The following SENP7 variants were observed in gnomAD, a reference collection of about 807,000 sequenced individuals.
SENP7 encodes the protein SUMO specific peptidase 7, also known as sentrin-specific protease 7.
In SENP7, 64 loss-of-function variants were observed where a neutral mutation model predicts 141.2. That is an observed-to-expected ratio of 0.45 (90% CI 0.37 to 0.56). The LOEUF is 0.56. Ranked by LOEUF, SENP7 falls within the 20% of genes least tolerant of loss-of-function variation. SENP7 has a pLI of 0.00. For synonymous variants in SENP7, 382 were observed against 426.4 expected (o/e 0.90, Z 1.28); for missense variants, 1,025 against 1,212.2 (o/e 0.85, Z 2.29).
rs115292728 is a variant in SENP7, at chr3:101,495,675, C to T, written c.91-1707G>A. ...CAGAAAACCAAACAATGCATGTTCT[C>T]ACTTTTAAGTGGGAGCTGAATGATG... On this transcript the variant is annotated intron_variant, in intron 2 of 23. Transcript: ENST00000394095. Among the ~76,000 whole-genome samples the T allele has an allele frequency of 5.5e-3, 839 of 152,292 alleles. 8 individuals are homozygous for T. The highest frequency in any genetic ancestry group is 0.019 in the African/African-American group (786 of 41,556).
intron 4 of SENP7, among the ~76,000 whole-genome samples, chr3:101,429,456 T>C (rs564864402): frequency 6.6e-6 from 1 of 152,330 alleles, no homozygotes; most frequent in African/African-American, 2.4e-5. Flanking sequence ...TTTGTAGCAA[T>C]TGTGAATGGG....
rs191977717 is a variant in SENP7 at position 101,438,600 on chromosome 3, A to T, written c.284+20355T>A. On this transcript the variant is annotated intron_variant, in intron 4 of 23. Coordinates refer to ENST00000394095, the MANE Select transcript of SENP7 (RefSeq NM_020654.5). ...TAAGTGTATTTTACTACAATAAAAA[A>T]ACTTTAGAGTCTTAAAATTCATTTA... Among the ~76,000 whole-genome samples, 5 of 152,234 alleles carry T rather than the reference A, an allele frequency of 3.3e-5. No homozygotes were observed. The East Asian group carries it at 9.6e-4, about 29-fold the overall frequency.
chr3:101,351,344 T>C (rs982919905), intron 12 of SENP7, among the ~76,000 whole-genome samples: 1 of 151,952 alleles, frequency 6.6e-6, no homozygotes, highest in African/African-American at 2.4e-5. Flanking sequence ...ACTATTGTTA[T>C]CCATTTTTAT....
intron 3 of SENP7, among the ~76,000 whole-genome samples, chr3:101,472,451 T>C (rs1227596406): frequency 6.6e-6 from 1 of 151,776 alleles, no homozygotes; most frequent in Non-Finnish European, 1.5e-5. Flanking sequence ...AACTGAACAA[T>C]GAGATCACTT....
intron 4 of SENP7, among the ~76,000 whole-genome samples, chr3:101,454,195 CTATT>C (rs901323182): frequency 2.0e-5 from 3 of 152,174 alleles, no homozygotes; most frequent in Non-Finnish European, 4.4e-5. Flanking sequence ...TCCTAGTTAT[CTATT>C]CAAGATAAAT....
chr3:101,407,905 C>A (rs1470507417), intron 5 of SENP7, among the ~76,000 whole-genome samples: 1 of 151,824 alleles, frequency 6.6e-6, no homozygotes, highest in Non-Finnish European at 1.5e-5. Context: ...AAACCCAAAC[C>A]CAGCAGAACA....
At chr3:101,479,396 G>C (rs1396157589) in intron 3 of SENP7, among the ~76,000 whole-genome samples, 1 of 152,074 alleles carries the variant, frequency 6.6e-6, no homozygotes, top group Non-Finnish European at 1.5e-5. Flanking sequence ...AGGAATTCAA[G>C]ACCAGCCTGA....
intron 11 of SENP7, among the ~76,000 whole-genome samples, chr3:101,360,281 T>C (rs565630074): frequency 2.0e-4 from 30 of 152,312 alleles, no homozygotes; most frequent in Admixed American, 5.2e-4. Context: ...TAGGTCTTTG[T>C]CTGCATGGGT....
Position 101,341,747 on chromosome 3 carries a change from G to GT in SENP7, c.2138dup (p.Tyr713Ter). 1 of 1,610,296 alleles carries GT rather than the reference G, an allele frequency of 6.2e-7. No individual in the cohort carries two copies. Among genetic ancestry groups the GT allele is most frequent in the Non-Finnish European group, 8.5e-7 (1 of 1,177,070 alleles). ...PSNTDAAKPTYTFLQKQSSGC... is the reference protein window; with the variant it reads ...PSNTDAAKPT ...CGCTACTTTGCTTCTGCAGGAAGGT[G>GT]TAAGTAGGCTTGGCCGCATCTGTGT... The change falls in exon 15 of 24, where the codon TAC becomes TAAC. Residue 713 changes from tyrosine to a stop codon, truncating the protein, a stop_gained and frameshift_variant. Transcript: ENST00000394095. LOFTEE classifies it high-confidence loss of function.
At chr3:101,428,162 T>A (rs1408843443) in intron 4 of SENP7, among the ~76,000 whole-genome samples, 1 of 152,252 alleles carries the variant, frequency 6.6e-6, no homozygotes, top group African/African-American at 2.4e-5. Context: ...AACATACATG[T>A]GCATGTGTCT....
At chr3:101,337,363 T>G (rs999011029) in intron 17 of SENP7, 146 bp downstream of exon 17, 5 of 469,210 alleles carry the variant, frequency 1.1e-5, no homozygotes, top group Non-Finnish European at 3.7e-6. Context: ...GGATGAGAAA[T>G]GGCTCTCATG....
intron 11 of SENP7, among the ~76,000 whole-genome samples, chr3:101,353,173 C>CT (rs1313522069): frequency 2.6e-5 from 4 of 151,952 alleles, no homozygotes; most frequent in Admixed American, 2.6e-4. Context: ...TATACTGCCC[C>CT]TTTCCAAACT....
At chr3:101,386,850 C>A (rs963121965) in intron 6 of SENP7, among the ~76,000 whole-genome samples, 2 of 152,224 alleles carry the variant, frequency 1.3e-5, no homozygotes, top group Non-Finnish European at 2.9e-5. Flanking sequence ...TGGGGACCAG[C>A]CTTCCCAGCT....
At chr3:101,424,055 T>C (rs1295902988) in intron 4 of SENP7, among the ~76,000 whole-genome samples, 1 of 152,100 alleles carries the variant, frequency 6.6e-6, no homozygotes, top group Non-Finnish European at 1.5e-5. Flanking sequence ...CTAGGGGAAC[T>C]GTTGGACCTG....
intron 11 of SENP7, among the ~76,000 whole-genome samples, chr3:101,353,202 A>G (rs1161482397): frequency 6.6e-6 from 1 of 152,014 alleles, no homozygotes; most frequent in Non-Finnish European, 1.5e-5. Flanking sequence ...CATGTTTCAC[A>G]GGGTCTTTAA....
intron 7 of SENP7, among the ~76,000 whole-genome samples, chr3:101,370,680 G>T (rs1208232206): frequency 6.6e-6 from 1 of 152,050 alleles, no homozygotes; most frequent in Non-Finnish European, 1.5e-5. Flanking sequence ...ACACAGAGAT[G>T]ATTGTAATTA....
intron 5 of SENP7, among the ~76,000 whole-genome samples, chr3:101,406,785 T>G (rs1473690963): frequency 6.6e-6 from 1 of 152,072 alleles, no homozygotes; most frequent in Non-Finnish European, 1.5e-5. Context: ...TATCTAAAGT[T>G]AATATGAAGG....
chr3:101,428,796 G>C (rs2062052386), intron 4 of SENP7, among the ~76,000 whole-genome samples: 1 of 152,118 alleles, frequency 6.6e-6, no homozygotes, highest in Non-Finnish European at 1.5e-5. Flanking sequence ...ATATTGCCTA[G>C]GTTTTCTTCT....
chr3:101,352,410 C>T (rs1048554404), intron 11 of SENP7, among the ~76,000 whole-genome samples: 35 of 152,022 alleles, frequency 2.3e-4, no homozygotes, highest in African/African-American at 8.0e-4. Context: ...GTCTTCATTC[C>T]TAGCATTCAT....
Sources: allele counts gnomAD v4.1 joint callset (sites outside exome capture counted in the v4.1 genomes callset), GRCh38; gene constraint gnomAD v4.1.1; transcripts MANE v1.5; gene names NCBI Gene and HGNC (gene_info 2026-07-23, HGNC 2026-07-21).